Variants in STK40 observed in about 807,000 individuals in gnomAD.
STK40 encodes the protein serine/threonine-protein kinase 40.
Under a neutral mutation model 47.9 loss-of-function variants are expected in STK40, and 13 were observed. The ratio of observed to expected loss-of-function variants is 0.27; its 90% CI spans 0.18 to 0.43. The LOEUF (loss-of-function observed/expected upper bound fraction) is 0.43, where lower values mean the gene tolerates loss of function less well. Among genes scored for constraint, STK40 ranks in the 20% least tolerant of loss-of-function variants. STK40 has a pLI of 1.00. For synonymous variants in STK40, 225 were observed against 243.2 expected, an observed-to-expected ratio of 0.93 and a Z score of 0.69; for missense variants, 460 against 595.1, an observed-to-expected ratio of 0.77 and a Z score of 2.36.
intron 1 of STK40, among the ~76,000 whole-genome samples, chr1:36,374,091 T>C (rs1159259527): frequency 6.6e-6 from 1 of 152,240 alleles, no homozygotes; most frequent in Non-Finnish European, 1.5e-5. Flanking sequence ...ACAGCAGGCC[T>C]GGGGGCCAGG....
chr1:36,352,856 T>C (rs1646770995), intron 6 of STK40, among the ~76,000 whole-genome samples: 1 of 152,216 alleles, frequency 6.6e-6, no homozygotes, highest in Non-Finnish European at 1.5e-5. Flanking sequence ...AGCGTTTCTG[T>C]CTGCAGCCCC....
intron 1 of STK40, among the ~76,000 whole-genome samples, chr1:36,362,296 TAC>T (rs913909939): frequency 6.6e-5 from 10 of 152,160 alleles, no homozygotes; most frequent in African/African-American, 2.4e-4. Context: ...AACAGATGTG[TAC>T]AGACGAGTTC....
intron 6 of STK40, among the ~76,000 whole-genome samples, chr1:36,353,655 G>C (rs755042845): frequency 1.3e-5 from 2 of 152,212 alleles, no homozygotes; most frequent in Non-Finnish European, 1.5e-5. Flanking sequence ...CCCTCCCTAA[G>C]GACAGCAGAC....
chr1:36,375,388 T>C (rs1352300898), intron 1 of STK40, among the ~76,000 whole-genome samples: 1 of 151,628 alleles, frequency 6.6e-6, no homozygotes, highest in African/African-American at 2.4e-5. Context: ...GTGCCTATAA[T>C]CCCAGCTACT....
At chr1:36,350,018 G>A (rs1646736905) in intron 6 of STK40, among the ~76,000 whole-genome samples, 2 of 152,180 alleles carry the variant, frequency 1.3e-5, no homozygotes, top group African/African-American at 2.4e-5. Context: ...ATTTCCCCGG[G>A]AGCCGCATCC....
At chr1:36,345,343 G>A (rs913001288) in intron 7 of STK40, among the ~76,000 whole-genome samples, 1 of 152,236 alleles carries the variant, frequency 6.6e-6, no homozygotes, top group African/African-American at 2.4e-5. Context: ...TGTGTGCATG[G>A]CAGTGCCATT....
intron 7 of STK40, among the ~76,000 whole-genome samples, chr1:36,344,910 T>C (rs116161221): frequency 0.024 from 3,673 of 152,320 alleles, 147 homozygotes; most frequent in African/African-American, 0.083. Context: ...TAGGACAGCA[T>C]GGGAAGAAAC....
chr1:36,367,407 G>A (rs551977748), intron 1 of STK40, among the ~76,000 whole-genome samples: 3 of 152,324 alleles, frequency 2.0e-5, no homozygotes, highest in African/African-American at 2.4e-5. Flanking sequence ...CTCCCACTGC[G>A]TGGCCTGAGT....
At chr1:36,366,995 C>A (rs1646908046) in intron 1 of STK40, among the ~76,000 whole-genome samples, 1 of 149,648 alleles carries the variant, frequency 6.7e-6, no homozygotes. Context: ...CCACCACACC[C>A]AGCTAATTTT....
chr1:36,353,023 C>T (rs1018663717), intron 6 of STK40, among the ~76,000 whole-genome samples: 4 of 152,218 alleles, frequency 2.6e-5, no homozygotes, highest in Non-Finnish European at 5.9e-5. Flanking sequence ...GCCCCCTCCC[C>T]GGAGGCCAAC....
At chr1:36,358,615 C>T in intron 3 of STK40, 122 bp downstream of exon 3, 1 of 1,213,912 alleles carries the variant, frequency 8.2e-7, no homozygotes, top group Non-Finnish European at 1.2e-6. Flanking sequence ...TTGATTGCTT[C>T]TCGGGAAGAA....
At chr1:36,359,040 G>A (rs751985466) in intron 2 of STK40, among the ~76,000 whole-genome samples, 1 of 152,166 alleles carries the variant, frequency 6.6e-6, no homozygotes. Flanking sequence ...TCCAGCTTTT[G>A]CAAACACATT....
In STK40 at chr1:36,343,899, G is replaced by T; in HGVS notation, c.965C>A (p.Ala322Asp). The T allele has an allele frequency of 5.0e-6, 8 of 1,606,864 alleles. No individual in the cohort carries two copies. The East Asian group carries it at 1.3e-4, about 27-fold the overall frequency. ...VLDPQQRLAA[A>D]DVLEALSAII... is the part of the protein sequence containing the mutation. ...GGCACTGAGGGCCTCCAGGACGTCG[G>T]CGGCGGCCAGGCGCTGCTGGGGGTC... Residue 322 changes from alanine to aspartate, a missense_variant, in exon 9 of 11, where the codon GCC (alanine) becomes GAC (aspartate). Physicochemically the swap from Ala to Asp is moderately radical, Grantham distance 126. This residue lies in a region of STK40 where 181 missense variants were observed against 218.9 expected (regional missense o/e 0.83). Coordinates refer to ENST00000373132, the MANE Select transcript of STK40 (RefSeq NM_001282547.2).
At chr1:36,372,715 GGA>G (rs1238754050) in intron 1 of STK40, 1 of 152,268 alleles carries the variant, frequency 6.6e-6, no homozygotes, top group Non-Finnish European at 1.5e-5. Context: ...GAGCAGGGAG[GGA>G]GAGAGGTCAT....
chr1:36,376,039 T>A (rs1646989683), intron 1 of STK40, among the ~76,000 whole-genome samples: 2 of 151,876 alleles, frequency 1.3e-5, no homozygotes, highest in African/African-American at 4.8e-5. Flanking sequence ...AAAAAAAAAT[T>A]CACGACTTTG....
intron 10 of STK40, chr1:36,342,960 C>T: frequency 1.8e-6 from 1 of 567,738 alleles, no homozygotes; most frequent in South Asian, 2.1e-5. Flanking sequence ...AACACTTTCT[C>T]CAGTGCAGGG....
chr1:36,358,956 A>G (rs1646829194), intron 2 of STK40, 134 bp from the exon 3 acceptor site: 2 of 909,360 alleles, frequency 2.2e-6, no homozygotes, highest in Non-Finnish European at 3.3e-6. Flanking sequence ...TGACCCTCCA[A>G]GGTCTCCTGG....
Position 36,347,230 on chromosome 1 carries a change from C to T in STK40, c.739+1470G>A, listed in dbSNP as rs77629915. ...GGACGAGGCTGGCTCGGCCACTGCA[C>T]GGAAAGGGCGCACTCATGTGTGGGG... is the stretch of plus-strand genomic sequence containing the variant. On this transcript the variant is annotated intron_variant, in intron 7 of 10. Transcript: ENST00000373132. 8.9e-3 allele frequency among the ~76,000 whole-genome samples: 1,348 copies of T among 152,240 alleles called. 20 individuals carry two copies. Among genetic ancestry groups the T allele is most frequent in the African/African-American group, 0.031 (1,271 of 41,554 alleles).
intron 6 of STK40, 56 bp downstream of exon 6, chr1:36,354,308 G>A: frequency 1.3e-6 from 2 of 1,594,142 alleles, no homozygotes; most frequent in African/African-American, 1.3e-5. Flanking sequence ...GAGTTGCAAT[G>A]TGTAGCCTGC....
Sources: gnomAD v4.1 joint callset for allele counts (sites outside exome capture counted in the v4.1 genomes callset) on GRCh38, gnomAD v4.1.1 for gene constraint, gnomAD v4.1.1 regional missense constraint, MANE v1.5 for transcripts, NCBI Gene and HGNC (gene_info 2026-07-23, HGNC 2026-07-21) for gene names.